The following NXPH1 variants were observed in gnomAD, a reference collection of about 807,000 sequenced individuals.
NXPH1 encodes neurexophilin-1.
NXPH1 carries 5 observed loss-of-function variants against 23.7 expected under a neutral mutation model. The observed-to-expected ratio is 0.21, with a 90% CI of 0.11 to 0.44. NXPH1 has a LOEUF of 0.44. NXPH1 is among the 20% of genes least tolerant of loss of function. The pLI is 0.99. For missense variants in NXPH1, 324 were observed against 321.6 expected (o/e 1.01, Z -0.06); for synonymous variants, 144 against 122.2 (o/e 1.18, Z -1.18).
intron 2 of NXPH1, among the ~76,000 whole-genome samples, chr7:8,642,772 A>G (rs1023418150): frequency 1.3e-5 from 2 of 152,236 alleles, no homozygotes; most frequent in East Asian, 1.9e-4. Context: ...GTAACTGCAA[A>G]CAGCAGATAT....
intron 2 of NXPH1, among the ~76,000 whole-genome samples, chr7:8,748,217 G>T (rs1780504423): frequency 6.6e-6 from 1 of 152,264 alleles, no homozygotes; most frequent in South Asian, 2.1e-4. Context: ...CATTTCTACT[G>T]TTTGAATGTG....
chr7:8,581,044 G>A (rs1230905897), intron 2 of NXPH1, among the ~76,000 whole-genome samples: 2 of 152,116 alleles, frequency 1.3e-5, no homozygotes, highest in Admixed American at 6.5e-5. Context: ...GACCAAATGG[G>A]AGTACATTAC....
At chr7:8,586,244 G>A (rs1370464336) in intron 2 of NXPH1, among the ~76,000 whole-genome samples, 2 of 152,130 alleles carry the variant, frequency 1.3e-5, no homozygotes, top group African/African-American at 4.8e-5. Context: ...TTGGGATACT[G>A]TACTAGAACC....
chr7:8,683,944 G>A (rs183224514), intron 2 of NXPH1, among the ~76,000 whole-genome samples: 15 of 152,240 alleles, frequency 9.9e-5, no homozygotes, highest in Admixed American at 6.5e-4. Context: ...TTTCTACTAT[G>A]AGTCTGCTTT....
intron 2 of NXPH1, among the ~76,000 whole-genome samples, chr7:8,649,171 C>G (rs1362752797): frequency 6.6e-6 from 1 of 152,090 alleles, no homozygotes; most frequent in Admixed American, 6.6e-5. Context: ...AGATGAAAGT[C>G]TGTCTACATA....
At chr7:8,575,187 A>AT (rs1229169259) in intron 2 of NXPH1, among the ~76,000 whole-genome samples, 1 of 152,040 alleles carries the variant, frequency 6.6e-6, no homozygotes, top group Non-Finnish European at 1.5e-5. Context: ...ACTCTAATCC[A>AT]TTTTTCTTTT....
intron 2 of NXPH1, among the ~76,000 whole-genome samples, chr7:8,550,656 T>A (rs1328763161): frequency 6.6e-6 from 1 of 151,612 alleles, no homozygotes; most frequent in Non-Finnish European, 1.5e-5. Context: ...GGGAATTATT[T>A]TAGTCCCACC....
intron 2 of NXPH1, among the ~76,000 whole-genome samples, chr7:8,750,021 T>G (rs781749176): frequency 8.5e-5 from 13 of 152,224 alleles, no homozygotes; most frequent in Non-Finnish European, 1.6e-4. Flanking sequence ...ACTCTCACAA[T>G]CCACCCTGAA....
At chr7:8,656,692 G>A (rs868044888) in intron 2 of NXPH1, among the ~76,000 whole-genome samples, 2 of 143,326 alleles carry the variant, frequency 1.4e-5, no homozygotes, top group Non-Finnish European at 1.5e-5. Flanking sequence ...ATCCCTCCCC[G>A]CTCCCCCCAC....
chr7:8,473,529 G>A (rs547711501), intron 2 of NXPH1, among the ~76,000 whole-genome samples: 2 of 152,128 alleles, frequency 1.3e-5, no homozygotes, highest in African/African-American at 4.8e-5. Context: ...CTCTCTTATT[G>A]GAGGTTTTCC....
chr7:8,449,757 T>C (rs1584162092), intron 2 of NXPH1, among the ~76,000 whole-genome samples: 1 of 152,334 alleles, frequency 6.6e-6, no homozygotes, highest in Non-Finnish European at 1.5e-5. Context: ...TCCATTTCAA[T>C]TAAGAGTTCT....
intron 2 of NXPH1, among the ~76,000 whole-genome samples, chr7:8,658,200 T>A (rs1820612125): frequency 6.6e-6 from 1 of 152,232 alleles, no homozygotes; most frequent in Admixed American, 6.5e-5. Flanking sequence ...TACATAAAGT[T>A]TGAATAAAAT....
chr7:8,547,125 G>A (rs753162652), intron 2 of NXPH1, among the ~76,000 whole-genome samples: 1 of 151,376 alleles, frequency 6.6e-6, no homozygotes, highest in Non-Finnish European at 1.5e-5. Context: ...CCAACTAAAT[G>A]TAACGATTCA....
At chr7:8,686,719 G>T (rs1220135160) in intron 2 of NXPH1, among the ~76,000 whole-genome samples, 1 of 152,122 alleles carries the variant, frequency 6.6e-6, no homozygotes, top group Admixed American at 6.6e-5. Flanking sequence ...TAAATTAGGG[G>T]AGAGAGGAGA....
chr7:8,581,112 AG>A (rs1818860850), intron 2 of NXPH1, among the ~76,000 whole-genome samples: 1 of 152,172 alleles, frequency 6.6e-6, no homozygotes, highest in Non-Finnish European at 1.5e-5. Context: ...TAGAATTTTC[AG>A]GTTTATTGAA....
chr7:8,455,947 A>G (rs1365338150), intron 2 of NXPH1, among the ~76,000 whole-genome samples: 7 of 152,322 alleles, frequency 4.6e-5, no homozygotes, highest in East Asian at 1.9e-4. Context: ...GAGAAGGACA[A>G]TTCTCTGGAA....
intron 2 of NXPH1, among the ~76,000 whole-genome samples, chr7:8,606,091 C>CAATGCTATTT (rs1562422830): frequency 6.6e-6 from 1 of 152,026 alleles, no homozygotes; most frequent in African/African-American, 2.4e-5. Context: ...CAATGACCTA[C>CAATGCTATTT]AATGATGCTA....
rs1780560549 is a variant in NXPH1, at chr7:8,751,273, G to C, written c.320G>C (p.Arg107Thr). Reference sequence around the variant, plus strand: ...GAGCCTCGGCCCAGGGCCAAGAGAAGGCCCATTGTTAAAACGGGCAAGTTT... The same window carrying C: ...GAGCCTCGGCCCAGGGCCAAGAGAACGCCCATTGTTAAAACGGGCAAGTTT... Reference protein sequence around the residue: ...LQEPRPRAKRRPIVKTGKFKK... With the variant: ...LQEPRPRAKRTPIVKTGKFKK... Residue 107 changes from arginine to threonine, a missense_variant, in exon 3 of 3, where the codon AGG (arginine) becomes ACG (threonine). Coordinates refer to ENST00000405863, the MANE Select transcript of NXPH1 (RefSeq NM_152745.3). The surrounding 1 kb of genome is among the most constrained non-coding windows in gnomAD (Gnocchi z 4.5). The C allele has an allele frequency of 6.2e-7, 1 of 1,613,836 alleles. No homozygotes were observed. Among genetic ancestry groups the C allele is most frequent in the African/African-American group, 1.3e-5 (1 of 74,942 alleles).
At chr7:8,544,052 G>T (rs1323438573) in intron 2 of NXPH1, among the ~76,000 whole-genome samples, 3 of 151,516 alleles carry the variant, frequency 2.0e-5, no homozygotes, top group Non-Finnish European at 3.0e-5. Flanking sequence ...AACTCTCCAG[G>T]CTCCCAAGCC....
Sources: allele counts gnomAD v4.1 joint callset (sites outside exome capture counted in the v4.1 genomes callset), GRCh38; gene constraint gnomAD v4.1.1; non-coding constraint Gnocchi (gnomAD v3.1); transcripts MANE v1.5; gene names NCBI Gene and HGNC (gene_info 2026-07-23, HGNC 2026-07-21).